Variants in FABP12 observed in about 807,000 individuals in gnomAD.
FABP12 encodes fatty acid binding protein 12.
In FABP12, 19 loss-of-function variants were observed where a neutral mutation model predicts 13.7. The ratio of observed to expected loss-of-function variants is 1.39; its 90% CI spans 0.97 to 2.04. FABP12 has a LOEUF of 2.04. Among genes scored for constraint, FABP12 ranks in the 30% most tolerant of loss-of-function variants. The probability of loss-of-function intolerance (pLI) is 0.00; values close to 1 mark genes in which losing one functional copy is unlikely to be tolerated. For synonymous variants in FABP12, 61 were observed against 57.0 expected (o/e 1.07, Z -0.32); for missense variants, 182 against 164.2 (o/e 1.11, Z -0.59).
chr8:81,556,877 A>C (rs1809626224), intron 1 of FABP12, among the ~76,000 whole-genome samples: 1 of 140,320 alleles, frequency 7.1e-6, no homozygotes, highest in Non-Finnish European at 1.5e-5. Context: ...GGAAGTGTAC[A>C]TCTTTTTTTT....
chr8:81,541,944 CAAAG>C lies in FABP12; in HGVS notation c.-184-2205_-184-2202del, dbSNP rs1164173360. 2.7e-3 allele frequency among the ~76,000 whole-genome samples: 226 copies of C among 85,054 alleles called. 1 individual carries two copies. The highest frequency in any genetic ancestry group is 8.2e-3 in the African/African-American group (191 of 23,194). 55.8% of individuals were successfully genotyped at this position (85,054 alleles called of 152,430 possible). On this transcript the variant is annotated intron_variant, in intron 1 of 5. Coordinates refer to the FABP12 transcript ENST00000692030. ...AAAAAAAAAAAAAAAAAAAAAAAGA[CAAAG>C]AAAATCTTTCAACAGGATCTGAGCC...
intron 1 of FABP12, among the ~76,000 whole-genome samples, chr8:81,571,165 T>A (rs958055995): frequency 6.6e-6 from 1 of 152,168 alleles, no homozygotes; most frequent in African/African-American, 2.4e-5. Flanking sequence ...GTACTTGGGC[T>A]CGGCCTCAAC....
At chr8:81,586,268 G>C (rs1343543807) in intron 1 of FABP12, among the ~76,000 whole-genome samples, 1 of 151,906 alleles carries the variant, frequency 6.6e-6, no homozygotes, top group Non-Finnish European at 1.5e-5. Context: ...GTTAATTCCA[G>C]GTCTTTGTTA....
intron 4 of FABP12, among the ~76,000 whole-genome samples, chr8:81,525,515 CAAA>C (rs201121273): frequency 2.1e-5 from 2 of 95,584 alleles, no homozygotes; most frequent in Non-Finnish European, 2.4e-5. Context: ...GACTCCGTCT[CAAA>C]AAAAAAAAAA....
At chr8:81,566,354 G>A (rs1809819210) in intron 1 of FABP12, among the ~76,000 whole-genome samples, 1 of 151,726 alleles carries the variant, frequency 6.6e-6, no homozygotes, top group Non-Finnish European at 1.5e-5. Flanking sequence ...ATCACACAAA[G>A]ACATATCAAA....
intron 1 of FABP12, among the ~76,000 whole-genome samples, chr8:81,575,732 C>T (rs531655299): frequency 1.2e-4 from 19 of 152,288 alleles, no homozygotes; most frequent in Admixed American, 9.2e-4. Flanking sequence ...CTTTTAACTG[C>T]TGTTGCTTTA....
At chr8:81,583,649 A>G (rs965544929) in intron 1 of FABP12, among the ~76,000 whole-genome samples, 3 of 152,190 alleles carry the variant, frequency 2.0e-5, no homozygotes, top group Non-Finnish European at 2.9e-5. Flanking sequence ...TCAGGAAGAA[A>G]TAGAAAACTT....
chr8:81,547,034 G>GAAGA (rs776755286), intron 1 of FABP12, among the ~76,000 whole-genome samples: 1 of 152,162 alleles, frequency 6.6e-6, no homozygotes, highest in African/African-American at 2.4e-5. Context: ...GTAACATGAG[G>GAAGA]AAGAAAGAAA....
intron 2 of FABP12, among the ~76,000 whole-genome samples, chr8:81,530,605 GAT>G (rs1251958314): frequency 6.6e-6 from 1 of 152,222 alleles, no homozygotes; most frequent in African/African-American, 2.4e-5. Context: ...GGATGTGACA[GAT>G]TGGATAATGG....
At chr8:81,575,882 G>T (rs1196074669) in intron 1 of FABP12, among the ~76,000 whole-genome samples, 1 of 152,136 alleles carries the variant, frequency 6.6e-6, no homozygotes, top group Non-Finnish European at 1.5e-5. Flanking sequence ...CTCCTTATGA[G>T]AATCTAACTA....
At chr8:81,566,508 TC>T (rs1406935233) in intron 1 of FABP12, among the ~76,000 whole-genome samples, 3 of 152,090 alleles carry the variant, frequency 2.0e-5, no homozygotes, top group African/African-American at 4.8e-5. Context: ...CAAAAATGGC[TC>T]AACATATGCA....
At chr8:81,566,861 T>C (rs1263130737) in intron 1 of FABP12, among the ~76,000 whole-genome samples, 1 of 152,078 alleles carries the variant, frequency 6.6e-6, no homozygotes, top group Non-Finnish European at 1.5e-5. Context: ...AAGGAAGAAG[T>C]CAAATTATCC....
chr8:81,581,132 A>C (rs1333827801), intron 1 of FABP12, among the ~76,000 whole-genome samples: 2 of 152,188 alleles, frequency 1.3e-5, no homozygotes, highest in Non-Finnish European at 2.9e-5. Context: ...TGCTGGGTAG[A>C]AATGCTAAAC....
chr8:81,544,207 C>T (rs1307391068), intron 1 of FABP12, among the ~76,000 whole-genome samples: 2 of 152,108 alleles, frequency 1.3e-5, no homozygotes, highest in Non-Finnish European at 2.9e-5. Flanking sequence ...AACGAATTAA[C>T]GTTAACTGGG....
chr8:81,534,676 C>T (rs1809177870), upstream of FABP12, among the ~76,000 whole-genome samples: 1 of 152,150 alleles, frequency 6.6e-6, no homozygotes, highest in African/African-American at 2.4e-5. Flanking sequence ...TAACAGGTGG[C>T]TCATGCCTGT....
chr8:81,564,634 T>G (rs12682521), intron 1 of FABP12, among the ~76,000 whole-genome samples: 7,256 of 152,136 alleles, frequency 0.048, 223 homozygotes, highest in East Asian at 0.16. Context: ...AAATAATGGG[T>G]TATAAGGTGT....
intron 2 of FABP12, among the ~76,000 whole-genome samples, 161 bp downstream of exon 2, chr8:81,531,082 A>G (rs555268254): frequency 2.6e-5 from 4 of 152,334 alleles, no homozygotes; most frequent in Admixed American, 1.3e-4. Flanking sequence ...ACTCCAACAT[A>G]GTTTTGCACA....
chr8:81,578,835 T>TTTTTC (rs1810103622), intron 1 of FABP12, among the ~76,000 whole-genome samples: 1 of 141,576 alleles, frequency 7.1e-6, no homozygotes, highest in South Asian at 2.3e-4. Context: ...TTTTTTTTTT[T>TTTTTC]TTTTTTTGAG....
chr8:81,586,579 T>A (rs1722225744), intron 1 of FABP12, among the ~76,000 whole-genome samples: 1 of 152,200 alleles, frequency 6.6e-6, no homozygotes, highest in Non-Finnish European at 1.5e-5. Context: ...TGATTTGCAT[T>A]TCCCTAATGA....
Sources: gnomAD v4.1 joint callset for allele counts (sites outside exome capture counted in the v4.1 genomes callset) on GRCh38, gnomAD v4.1.1 for gene constraint, MANE v1.5 for transcripts, NCBI Gene and HGNC (gene_info 2026-07-23, HGNC 2026-07-21) for gene names.